The following MCTP1 variants were observed in gnomAD, a reference collection of about 807,000 sequenced individuals.
The protein encoded by MCTP1 is multiple C2 and transmembrane domain-containing protein 1.
In MCTP1, 69 loss-of-function variants were observed where a neutral mutation model predicts 120.6. That is an observed-to-expected ratio of 0.57 (90% CI 0.47 to 0.70). MCTP1 has a LOEUF of 0.70. Among genes scored for constraint, MCTP1 ranks in the 30% least tolerant of loss-of-function variants. MCTP1 has a pLI of 0.00. For missense variants in MCTP1, 1,203 were observed against 1,248.8 expected, an observed-to-expected ratio of 0.96 and a Z score of 0.55; for synonymous variants, 529 against 493.1, an observed-to-expected ratio of 1.07 and a Z score of -0.96.
chr5:94,797,263 C>A lies in MCTP1; in HGVS notation c.2556+1750G>T, dbSNP rs1475230696. 3.9e-5 allele frequency among the ~76,000 whole-genome samples: 6 copies of A among 151,998 alleles called. No homozygotes were observed. In the East Asian group the frequency reaches 9.6e-4, roughly 24 times the overall value. On this transcript the variant is annotated intron_variant, in intron 18 of 22. Coordinates refer to ENST00000515393, the MANE Select transcript of MCTP1 (RefSeq NM_024717.7). ...GAATTTTTCACTAAGAATACCAAAA[C>A]CAGTGACTAAATATTGAAGATAAGC...
chr5:95,283,781 C>T (rs960648350), intron 1 of MCTP1, 75 bp downstream of exon 1: 105 of 1,208,364 alleles, frequency 8.7e-5, no homozygotes, highest in Non-Finnish European at 1.1e-4. Flanking sequence ...GCCCCCCGCT[C>T]CCCGGGTGGT....
chr5:95,158,409 A>G (rs1428279762), intron 1 of MCTP1, among the ~76,000 whole-genome samples: 2 of 152,206 alleles, frequency 1.3e-5, no homozygotes, highest in Non-Finnish European at 2.9e-5. Flanking sequence ...GATGGAAAAT[A>G]TGATAAAAAT....
chr5:95,261,117 C>T (rs918210959), intron 1 of MCTP1, among the ~76,000 whole-genome samples: 10 of 152,192 alleles, frequency 6.6e-5, no homozygotes, highest in African/African-American at 2.4e-4. Context: ...GAAATTTGTT[C>T]CCAGCCCTAT....
At chr5:95,065,193 C>G (rs1189885563) in intron 1 of MCTP1, among the ~76,000 whole-genome samples, 8 of 151,766 alleles carry the variant, frequency 5.3e-5, no homozygotes. Context: ...TTAAAATCTT[C>G]CTACACCTAA....
chr5:95,088,364 A>G (rs1755591241), intron 1 of MCTP1, among the ~76,000 whole-genome samples: 2 of 152,242 alleles, frequency 1.3e-5, no homozygotes, highest in Non-Finnish European at 2.9e-5. Context: ...ATATGAAGTT[A>G]AGAATTGAAG....
chr5:95,041,310 T>C (rs1842312397), intron 1 of MCTP1, among the ~76,000 whole-genome samples: 1 of 97,268 alleles, frequency 1.0e-5, no homozygotes, highest in Non-Finnish European at 2.0e-5. Context: ...GCCCATGCTC[T>C]GAAAAAAAAA....
chr5:95,095,578 C>T (rs544278226), intron 1 of MCTP1, among the ~76,000 whole-genome samples: 5 of 152,300 alleles, frequency 3.3e-5, no homozygotes, highest in South Asian at 4.1e-4. Context: ...ATCCAAACCA[C>T]GCTCAAGTTT....
chr5:94,817,831 G>A (rs913175988), intron 17 of MCTP1, among the ~76,000 whole-genome samples: 4 of 151,992 alleles, frequency 2.6e-5, no homozygotes, highest in Non-Finnish European at 4.4e-5. Flanking sequence ...CATCTCTTAC[G>A]ATTGGGCTCT....
chr5:94,911,426 C>T (rs573844531), intron 9 of MCTP1, among the ~76,000 whole-genome samples: 1 of 152,314 alleles, frequency 6.6e-6, no homozygotes, highest in African/African-American at 2.4e-5. Flanking sequence ...ATGATTGAAT[C>T]ATGGGGGCGG....
At chr5:95,283,715 C>A (rs548562665) in intron 1 of MCTP1, 141 bp downstream of exon 1, 45 of 568,584 alleles carry the variant, frequency 7.9e-5, no homozygotes, top group Non-Finnish European at 1.1e-4. Flanking sequence ...TGTTTTCTTT[C>A]GACTGTTTCA....
intron 1 of MCTP1, among the ~76,000 whole-genome samples, chr5:95,125,509 G>C (rs1419406019): frequency 6.6e-6 from 1 of 152,156 alleles, no homozygotes; most frequent in African/African-American, 2.4e-5. Context: ...CAGCTCAAAT[G>C]TTGCCAATTT....
intron 1 of MCTP1, among the ~76,000 whole-genome samples, chr5:95,123,743 G>A (rs539878389): frequency 1.1e-4 from 17 of 151,250 alleles, no homozygotes; most frequent in Admixed American, 6.6e-5. Context: ...TCTGCCTCCC[G>A]GGTTCATGCC....
intron 7 of MCTP1, among the ~76,000 whole-genome samples, chr5:94,918,294 T>C (rs1330088992): frequency 6.6e-6 from 1 of 152,168 alleles, no homozygotes; most frequent in Admixed American, 6.5e-5. Context: ...AAAATAACTA[T>C]AGCAAGAGAA....
chr5:95,183,056 C>G (rs1412440283), intron 1 of MCTP1, among the ~76,000 whole-genome samples: 1 of 150,360 alleles, frequency 6.7e-6, no homozygotes. Flanking sequence ...TATTATAAAG[C>G]TACAATAATC....
At chr5:95,012,589 C>T (rs1836232706) in intron 2 of MCTP1, among the ~76,000 whole-genome samples, 1 of 152,082 alleles carries the variant, frequency 6.6e-6, no homozygotes, top group Admixed American at 6.6e-5. Context: ...TTGGTAATTT[C>T]TGCAACATTT....
Position 94,932,213 on chromosome 5 carries a change from T to TA in MCTP1, c.1174-223dup, listed in dbSNP as rs368203326. Reference sequence around the variant, plus strand: ...AGAGTTCATTTGATTTATTCCTTTGTAAAAAAAAAAAAAAAAAAAAAAAAA... The same window carrying TA: ...AGAGTTCATTTGATTTATTCCTTTGTAAAAAAAAAAAAAAAAAAAAAAAAAA... On this transcript the variant is annotated intron_variant, in intron 5 of 22. Transcript: ENST00000515393. Among the ~76,000 whole-genome samples the TA allele has an allele frequency of 5.4e-3, 516 of 95,798 alleles. 2 individuals carry two copies. Among genetic ancestry groups the TA allele is most frequent in the Admixed American group, 7.3e-3 (62 of 8,470 alleles). 62.8% of individuals were successfully genotyped at this position (95,798 alleles called of 152,430 possible). A position where few individuals can be genotyped will look rare whatever the true frequency, so the allele number is the denominator to read the frequency against.
chr5:95,086,803 G>A lies in MCTP1; in HGVS notation c.721-69319C>T, dbSNP rs148318587. Among the ~76,000 whole-genome samples, 19 of 152,214 alleles carry A rather than the reference G, an allele frequency of 1.2e-4. No homozygotes were observed. The East Asian group carries it at 2.3e-3, about 19-fold the overall frequency. On this transcript the variant is annotated intron_variant, in intron 1 of 22. Coordinates refer to ENST00000515393, the MANE Select transcript of MCTP1 (RefSeq NM_024717.7). ...ATTAGAGATGGTGAAAATTTAAAAA[G>A]CCTATAGTTCTTAGGAATCCTAACA...
chr5:94,920,781 A>T (rs995130405), intron 7 of MCTP1, among the ~76,000 whole-genome samples: 1 of 150,972 alleles, frequency 6.6e-6, no homozygotes, highest in African/African-American at 2.4e-5. Flanking sequence ...AAATAAATAA[A>T]TAAATAATAA....
At position 95,017,361 on chromosome 5, in the gene MCTP1, T is replaced by C; in HGVS notation, c.838+6A>G. The C allele has an allele frequency of 6.3e-7, 1 of 1,583,418 alleles. No homozygotes were observed. The highest frequency in any genetic ancestry group is 1.1e-5 in the South Asian group (1 of 88,748). ...CTTCTAGGTGATATTGCTCTTATGC[T>C]CTTACCTCCTCGATCTCGAGCAGCT... On this transcript the variant is annotated splice_donor_region_variant and intron_variant, in intron 2 of 22. Transcript: ENST00000515393.
Sources: allele counts gnomAD v4.1 joint callset (sites outside exome capture counted in the v4.1 genomes callset), GRCh38; gene constraint gnomAD v4.1.1; transcripts MANE v1.5; gene names NCBI Gene and HGNC (gene_info 2026-07-23, HGNC 2026-07-21).